Variants in PSD3 observed in about 807,000 individuals in gnomAD.
PSD3 encodes PH and SEC7 domain-containing protein 3.
PSD3 carries 49 observed loss-of-function variants against 105.5 expected under a neutral mutation model. The observed-to-expected ratio is 0.46, with a 90% CI of 0.37 to 0.59. PSD3 has a LOEUF of 0.59. Ranked by LOEUF, PSD3 falls within the 20% of genes least tolerant of loss-of-function variation. The pLI, the probability that PSD3 is intolerant of heterozygous loss-of-function variation, is 0.00. For missense variants in PSD3, 1,561 were observed against 1,263.8 expected (o/e 1.24, Z -3.57); for synonymous variants, 557 against 457.8 (o/e 1.22, Z -2.77).
At chr8:18,849,765 C>T (rs1246831449) in intron 4 of PSD3, 1 of 152,154 alleles carries the variant, frequency 6.6e-6, no homozygotes, top group Admixed American at 6.5e-5. Context: ...CTATGACTTC[C>T]CTCATGTCTA....
intron 1 of PSD3, among the ~76,000 whole-genome samples, chr8:18,963,564 G>A (rs942990138): frequency 2.0e-5 from 3 of 152,104 alleles, no homozygotes; most frequent in Non-Finnish European, 4.4e-5. Context: ...GGGGTAAGCA[G>A]AGACCACCAC....
chr8:18,805,396 C>A (rs941645036), intron 4 of PSD3, among the ~76,000 whole-genome samples: 2 of 152,026 alleles, frequency 1.3e-5, no homozygotes, highest in African/African-American at 4.8e-5. Context: ...CAATCAGTAA[C>A]AATATATTAT....
At chr8:18,719,952 C>T (rs557631615) in intron 9 of PSD3, among the ~76,000 whole-genome samples, 20 of 152,088 alleles carry the variant, frequency 1.3e-4, no homozygotes, top group Non-Finnish European at 2.5e-4. Flanking sequence ...CTGTTCATAG[C>T]GATATATGCA....
intron 9 of PSD3, among the ~76,000 whole-genome samples, chr8:18,679,813 G>A (rs550071255): frequency 9.2e-5 from 14 of 152,198 alleles, no homozygotes; most frequent in African/African-American, 2.2e-4. Flanking sequence ...TTGAAATTTC[G>A]GTGTCACAGA....
At chr8:18,617,682 G>T (rs980956933) in intron 11 of PSD3, among the ~76,000 whole-genome samples, 2 of 151,102 alleles carry the variant, frequency 1.3e-5, no homozygotes, top group African/African-American at 4.9e-5. Context: ...ATGACAGAAA[G>T]GGGGTGTTGG....
chr8:18,809,069 C>A (rs1005843728), intron 4 of PSD3, among the ~76,000 whole-genome samples: 1 of 152,160 alleles, frequency 6.6e-6, no homozygotes, highest in African/African-American at 2.4e-5. Flanking sequence ...CTTGATAAAG[C>A]CAACTCAGTG....
At chr8:18,640,665 A>G (rs1328634049) in intron 10 of PSD3, among the ~76,000 whole-genome samples, 2 of 152,074 alleles carry the variant, frequency 1.3e-5, no homozygotes, top group Non-Finnish European at 2.9e-5. Context: ...TCTTTCCTTT[A>G]TAAATTACCC....
At chr8:18,812,478 G>C (rs1811777647) in intron 4 of PSD3, among the ~76,000 whole-genome samples, 1 of 152,170 alleles carries the variant, frequency 6.6e-6, no homozygotes, top group Admixed American at 6.5e-5. Flanking sequence ...TGGAGAAGCA[G>C]GGTGACCAGT....
rs146333236 is a variant in PSD3 at position 18,538,594 on chromosome 8, C to T, written c.2929-2636G>A. On this transcript the variant is annotated intron_variant, in intron 15 of 15. Coordinates refer to ENST00000327040, the MANE Select transcript of PSD3 (RefSeq NM_015310.4). ...ATTCAGGAAACCAGCGTAAGGCATA[C>T]GATTTCATGAAGCTGGAGCGTTGAC... Among the ~76,000 whole-genome samples the T allele has an allele frequency of 2.4e-3, 365 of 152,216 alleles. 6 individuals are homozygous for T. The highest frequency in any genetic ancestry group is 4.8e-3 in the East Asian group (25 of 5,184).
chr8:18,782,430 G>C (rs1393493134), intron 8 of PSD3, among the ~76,000 whole-genome samples: 3 of 151,998 alleles, frequency 2.0e-5, no homozygotes. Context: ...TGACTTCTTT[G>C]ACTATCTTTA....
At chr8:18,828,324 T>C (rs373997025) in intron 4 of PSD3, among the ~76,000 whole-genome samples, 12 of 152,166 alleles carry the variant, frequency 7.9e-5, no homozygotes, top group East Asian at 3.9e-4. Context: ...GGTTCTTCCA[T>C]TGAAGGCTTT....
At chr8:18,885,658 C>T (rs1422462157) in intron 2 of PSD3, among the ~76,000 whole-genome samples, 3 of 152,136 alleles carry the variant, frequency 2.0e-5, no homozygotes, top group Admixed American at 6.5e-5. Context: ...ACATTTGCAG[C>T]CAGTAGTTTT....
chr8:18,655,849 GC>G (rs1257351764), intron 9 of PSD3, among the ~76,000 whole-genome samples, 164 bp from the exon 10 acceptor site: 1 of 152,212 alleles, frequency 6.6e-6, no homozygotes, highest in Non-Finnish European at 1.5e-5. Flanking sequence ...AGGCAAATGA[GC>G]ATTGGGTGAA....
intron 11 of PSD3, among the ~76,000 whole-genome samples, chr8:18,607,681 T>TA (rs1804944679): frequency 1.6e-4 from 5 of 32,102 alleles, no homozygotes; most frequent in Non-Finnish European, 2.1e-4. Flanking sequence ...ACTCCACTGC[T>TA]ACAAAAAAAA....
At chr8:18,844,883 T>C (rs1165008855) in intron 4 of PSD3, among the ~76,000 whole-genome samples, 1 of 152,212 alleles carries the variant, frequency 6.6e-6, no homozygotes, top group Non-Finnish European at 1.5e-5. Context: ...ACTACAGCGC[T>C]GGGATCCGAA....
At chr8:18,749,555 A>T (rs1482085825) in intron 9 of PSD3, among the ~76,000 whole-genome samples, 3 of 150,360 alleles carry the variant, frequency 2.0e-5, no homozygotes, top group Non-Finnish European at 4.4e-5. Flanking sequence ...AACTAAGGTT[A>T]CTCATCAACT....
chr8:18,653,369 CAA>C (rs113328647), intron 10 of PSD3, among the ~76,000 whole-genome samples: 4 of 139,136 alleles, frequency 2.9e-5, no homozygotes, highest in African/African-American at 1.0e-4. Flanking sequence ...GAAAAAAAGA[CAA>C]AAAAAAAAAG....
At chr8:18,704,652 C>T (rs920565547) in intron 9 of PSD3, among the ~76,000 whole-genome samples, 1 of 152,070 alleles carries the variant, frequency 6.6e-6, no homozygotes, top group Non-Finnish European at 1.5e-5. Context: ...AATAAGAGAA[C>T]CTTATTGTGA....
chr8:18,992,226 A>T (rs1407276485), intron 1 of PSD3, among the ~76,000 whole-genome samples: 1 of 152,164 alleles, frequency 6.6e-6, no homozygotes, highest in African/African-American at 2.4e-5. Flanking sequence ...TGAGATCAAA[A>T]GGTATGTCTC....
Sources: allele counts gnomAD v4.1 joint callset (sites outside exome capture counted in the v4.1 genomes callset), GRCh38; gene constraint gnomAD v4.1.1; transcripts MANE v1.5; gene names NCBI Gene and HGNC (gene_info 2026-07-23, HGNC 2026-07-21).